Variants in KLF15 observed in about 807,000 individuals in gnomAD.
The protein encoded by KLF15 is KLF transcription factor 15.
KLF15 carries 4 observed loss-of-function variants against 24.6 expected under a neutral mutation model. That is an observed-to-expected ratio of 0.16 (90% CI 0.08 to 0.37). KLF15 has a LOEUF of 0.37. Ranked by LOEUF, KLF15 falls within the 10% of genes least tolerant of loss-of-function variation. The pLI is 1.00. For missense variants in KLF15, 496 were observed against 560.6 expected (o/e 0.88, Z 1.16); for synonymous variants, 246 against 236.3 (o/e 1.04, Z -0.37).
the KLF15 span, among the ~76,000 whole-genome samples, chr3:126,299,747 CAAAAAAAAAAAAAAAAA>C: frequency 7.1e-5 from 4 of 55,996 alleles, no homozygotes; most frequent in Non-Finnish European, 6.2e-5. Context: ...CACTCCATCT[CAAAAAAAAAAAAAAAAA>C]AAAAAAAAAG....
At chr3:126,331,495 C>T in the KLF15 span, among the ~76,000 whole-genome samples, 4 of 152,268 alleles carry the variant, frequency 2.6e-5, no homozygotes, top group Admixed American at 2.6e-4. Flanking sequence ...TCAACTGAGC[C>T]CTGCAACCCT....
At chr3:126,349,749 G>A (rs1006737704) in intron 2 of KLF15, among the ~76,000 whole-genome samples, 1 of 152,164 alleles carries the variant, frequency 6.6e-6, no homozygotes, top group Non-Finnish European at 1.5e-5. Flanking sequence ...GCTGAAACCT[G>A]AGCCCGACTA....
chr3:126,319,402 C>T, the KLF15 span, among the ~76,000 whole-genome samples: 1 of 152,206 alleles, frequency 6.6e-6, no homozygotes, highest in African/African-American at 2.4e-5. Flanking sequence ...GGCCTTCCCA[C>T]CAGCAATGAC....
rs377037372 is a variant in KLF15, at chr3:126,356,293, G to C, written c.-26+944C>G. 1.5e-4 allele frequency among the ~76,000 whole-genome samples: 23 copies of C among 152,304 alleles called. 1 individual carries two copies. In the East Asian group the frequency reaches 2.5e-3, roughly 17 times the overall value. ...TCTCCCCAGGGGCCACCTGGTCCGGGGGGACAGGGGGAAGGAGATTTGAGG... is the reference window on the plus strand; with the variant it reads ...TCTCCCCAGGGGCCACCTGGTCCGGCGGGACAGGGGGAAGGAGATTTGAGG... On this transcript the variant is annotated intron_variant, in intron 1 of 2. Coordinates refer to ENST00000296233, the MANE Select transcript of KLF15 (RefSeq NM_014079.4). This position sits in a 1 kb window ranked among gnomAD's most constrained non-coding sequence, Gnocchi z 4.4.
the KLF15 span, among the ~76,000 whole-genome samples, chr3:126,311,991 T>A: frequency 6.6e-6 from 1 of 152,146 alleles, no homozygotes; most frequent in Non-Finnish European, 1.5e-5. Context: ...CCTGGTAGGA[T>A]GGGAAGTTAC....
chr3:126,298,871 T>C, the KLF15 span, among the ~76,000 whole-genome samples: 1 of 152,322 alleles, frequency 6.6e-6, no homozygotes, highest in South Asian at 2.1e-4. Flanking sequence ...AACTACAGCC[T>C]TGTGATATAG....
chr3:126,343,107 C>G lies in KLF15; in HGVS notation c.*620G>C, dbSNP rs1453398287. ...GCACTGCCAGCCCCCTAGTGGGGGA[C>G]GCTTTTCACCTCTCTCCCACATGAG... is the stretch of plus-strand genomic sequence containing the variant. On this transcript the variant is annotated 3_prime_UTR_variant, in exon 3 of 3. Transcript: ENST00000296233. 8.9e-6 allele frequency: 1 copy of G among 112,100 alleles called. No homozygotes were observed. The highest frequency in any genetic ancestry group is 1.8e-5 in the Non-Finnish European group (1 of 56,382). 6.9% of individuals were successfully genotyped at this position (112,100 alleles called of 1,614,324 possible). A position where few individuals can be genotyped will look rare whatever the true frequency, so the allele number is the denominator to read the frequency against.
At chr3:126,308,735 G>T in the KLF15 span, among the ~76,000 whole-genome samples, 5 of 152,336 alleles carry the variant, frequency 3.3e-5, no homozygotes, top group Non-Finnish European at 5.9e-5. Context: ...TGATGAGGAA[G>T]CTCTGGGACC....
chr3:126,335,463 T>C, the KLF15 span, among the ~76,000 whole-genome samples: 1 of 146,938 alleles, frequency 6.8e-6, no homozygotes, highest in African/African-American at 2.5e-5. Flanking sequence ...CCACAGCCAA[T>C]ATCATACTGA....
the KLF15 span, among the ~76,000 whole-genome samples, chr3:126,294,987 G>A: frequency 1.3e-4 from 20 of 151,606 alleles, no homozygotes; most frequent in Admixed American, 7.9e-4. Context: ...ATATACATAC[G>A]TCTATGGATT....
rs751755643 is a variant in KLF15 at position 126,352,418 on chromosome 3, C to T, written c.505G>A (p.Ala169Thr). 6.2e-7 allele frequency: 1 copy of T among 1,613,554 alleles called. No homozygotes were observed. The highest frequency in any genetic ancestry group is 8.5e-7 in the Non-Finnish European group (1 of 1,179,906). The change falls in exon 2 of 3, where the codon GCC becomes ACC. Residue 169 changes from alanine to threonine, a missense_variant. Coordinates refer to ENST00000296233, the MANE Select transcript of KLF15 (RefSeq NM_014079.4). ...VPEGNSKDLD[A>T]CSQLSAGPHK... is the part of the protein sequence containing the mutation. ...GGCCCAGCTGAGAGCTGGCTGCAGG[C>T]ATCCAAGTCCTTGCTGTTGCCCTCA... is the stretch of plus-strand genomic sequence containing the variant.
At chr3:126,295,711 T>A in the KLF15 span, among the ~76,000 whole-genome samples, 1 of 152,178 alleles carries the variant, frequency 6.6e-6, no homozygotes, top group African/African-American at 2.4e-5. Context: ...CCTTGACCCA[T>A]CTGTGCACTT....
chr3:126,296,171 C>A, the KLF15 span, among the ~76,000 whole-genome samples: 99 of 152,312 alleles, frequency 6.5e-4, no homozygotes, highest in African/African-American at 2.2e-3. Flanking sequence ...TCATGTTTCT[C>A]AGCCTCAGGG....
the KLF15 span, among the ~76,000 whole-genome samples, chr3:126,312,050 G>C: frequency 6.6e-6 from 1 of 152,146 alleles, no homozygotes; most frequent in African/African-American, 2.4e-5. Flanking sequence ...GCAATCCCCT[G>C]AGCTATAGCT....
At chr3:126,309,378 G>T in the KLF15 span, among the ~76,000 whole-genome samples, 2 of 152,178 alleles carry the variant, frequency 1.3e-5, no homozygotes, top group African/African-American at 4.8e-5. Flanking sequence ...GAAGTGGGTG[G>T]CAGCCAGTGG....
the KLF15 span, among the ~76,000 whole-genome samples, chr3:126,305,525 T>A: frequency 3.9e-5 from 6 of 152,218 alleles, no homozygotes; most frequent in African/African-American, 1.4e-4. Context: ...TCATCTGGTG[T>A]CTGTCTCTTT....
chr3:126,305,402 T>C, the KLF15 span, among the ~76,000 whole-genome samples: 1 of 152,212 alleles, frequency 6.6e-6, no homozygotes, highest in Non-Finnish European at 1.5e-5. Context: ...CCTTAGCCTG[T>C]TGACATTTTG....
the KLF15 span, among the ~76,000 whole-genome samples, chr3:126,316,236 C>A: frequency 9.4e-6 from 1 of 106,124 alleles, no homozygotes; most frequent in Non-Finnish European, 2.0e-5. Context: ...ACGGGCCGGA[C>A]TGGGGCTGGG....
the KLF15 span, among the ~76,000 whole-genome samples, chr3:126,330,504 A>T: frequency 6.6e-6 from 1 of 151,614 alleles, no homozygotes. Flanking sequence ...GATAAAAGTC[A>T]TCTTGTCCCT....
Sources: gnomAD v4.1 joint callset for allele counts (sites outside exome capture counted in the v4.1 genomes callset) on GRCh38, gnomAD v4.1.1 for gene constraint, Gnocchi (gnomAD v3.1) non-coding constraint, MANE v1.5 for transcripts, NCBI Gene and HGNC (gene_info 2026-07-23, HGNC 2026-07-21) for gene names.